SNED1: variants seen among roughly 807,000 people sequenced by gnomAD.
SNED1 encodes sushi, nidogen and EGF like domains 1, also known as sushi, nidogen and EGF-like domain-containing protein 1.
SNED1 carries 81 observed loss-of-function variants against 166.7 expected under a neutral mutation model. That is an observed-to-expected ratio of 0.49 (90% CI 0.41 to 0.58). SNED1 has a LOEUF of 0.58. Ranked by LOEUF, SNED1 falls within the 20% of genes least tolerant of loss-of-function variation. SNED1 has a pLI of 0.00. For synonymous variants in SNED1, 762 were observed against 822.0 expected, an observed-to-expected ratio of 0.93 and a Z score of 1.25; for missense variants, 1,604 against 2,000.2, an observed-to-expected ratio of 0.80 and a Z score of 3.78.
chr2:241,008,932 C>T (rs949819338), intron 1 of SNED1, among the ~76,000 whole-genome samples: 3 of 152,228 alleles, frequency 2.0e-5, no homozygotes, highest in African/African-American at 7.2e-5. Context: ...CCTCTTGGGC[C>T]CTCAAACCCA....
At chr2:241,000,401 G>T (rs981441975) in intron 1 of SNED1, among the ~76,000 whole-genome samples, 2 of 152,212 alleles carry the variant, frequency 1.3e-5, no homozygotes, top group African/African-American at 4.8e-5. Context: ...AGTCCCTCTG[G>T]ACCGGGACTT....
Position 241,051,679 on chromosome 2 carries a change from G to T in SNED1, c.1736-65G>T. The T allele has an allele frequency of 7.9e-7, 1 of 1,263,580 alleles. No homozygotes were observed. Among genetic ancestry groups the T allele is most frequent in the South Asian group, 1.6e-5 (1 of 64,094 alleles). The allele number at this position is 1,263,580 out of a possible 1,614,324, so 78.3% of individuals were successfully genotyped here. ...AGAGGACTGAGGAGATGCCAGGAGG[G>T]TATAGTGGCTCTGTGGGGCCAGCAG... On this transcript the variant is annotated intron_variant, in intron 12 of 31. Transcript: ENST00000310397. This position sits in a 1 kb window ranked among gnomAD's most constrained non-coding sequence, Gnocchi z 4.7.
chr2:241,088,410 C>A lies in SNED1; in HGVS notation c.*1+8C>A. On this transcript the variant is annotated splice_region_variant and intron_variant, in intron 31 of 31. Coordinates refer to ENST00000310397, the MANE Select transcript of SNED1 (RefSeq NM_001080437.3). ...CACTGGAGAAATCTTAAGGTACGTC[C>A]CTGCTGCTCCCGCCCCACTACCACA... is the stretch of plus-strand genomic sequence containing the variant. 1 of 1,608,462 alleles carries A rather than the reference C, an allele frequency of 6.2e-7. No individual in the cohort carries two copies. Among genetic ancestry groups the A allele is most frequent in the Non-Finnish European group, 8.5e-7 (1 of 1,174,996 alleles).
chr2:241,052,178 G>C, intron 14 of SNED1, 21 bp downstream of exon 14: 2 of 1,587,376 alleles, frequency 1.3e-6, no homozygotes, highest in Non-Finnish European at 1.7e-6. Flanking sequence ...TGGGAGGCCA[G>C]GCCAGGGCGG....
chr2:240,998,941 G>T lies in SNED1; in HGVS notation c.104G>T (p.Gly35Val). The change falls in exon 1 of 32, where the codon GGC becomes GTC. Residue 35 changes from glycine (G) to valine (V), a missense_variant. By Grantham distance (109) the Gly-to-Val change is moderately radical (BLOSUM62 -3). Around this residue, in one of 2 missense-constraint regions of SNED1, gnomAD observed 1,237 missense variants for 1,620.8 expected, o/e 0.76. Transcript: ENST00000310397. Reference sequence around the variant, plus strand: ...GCCCTTGCCGACTTCTACCCGTTCGGCGCCGAGCGCGGCGACGCCGTCACC... The same window carrying T: ...GCCCTTGCCGACTTCTACCCGTTCGTCGCCGAGCGCGGCGACGCCGTCACC... ...AVALADFYPF[G>V]AERGDAVTPK... 7.8e-7 allele frequency: 1 copy of T among 1,288,926 alleles called. No homozygotes were observed. The highest frequency in any genetic ancestry group is 9.8e-7 in the Non-Finnish European group (1 of 1,016,328). 79.8% of individuals were successfully genotyped at this position (1,288,926 alleles called of 1,614,324 possible). A position where few individuals can be genotyped will look rare whatever the true frequency, so the allele number is the denominator to read the frequency against.
intron 27 of SNED1, among the ~76,000 whole-genome samples, chr2:241,080,020 C>A (rs1387292350): frequency 6.6e-6 from 1 of 152,140 alleles, no homozygotes; most frequent in Admixed American, 6.5e-5. Context: ...CGCAGTGGCT[C>A]ACACCTGTAA....
intron 1 of SNED1, among the ~76,000 whole-genome samples, chr2:241,011,976 G>A (rs1002489083): frequency 6.6e-6 from 1 of 152,216 alleles, no homozygotes; most frequent in African/African-American, 2.4e-5. Context: ...TCTGGGGTGG[G>A]GAGAGAGGAA....
At chr2:241,039,359 A>G (rs1487019600) in intron 6 of SNED1, among the ~76,000 whole-genome samples, 1 of 152,142 alleles carries the variant, frequency 6.6e-6, no homozygotes, top group Non-Finnish European at 1.5e-5. Flanking sequence ...GACTCCAGGG[A>G]GGGACACACG....
At position 241,051,712 on chromosome 2, in the gene SNED1, C is replaced by A; in HGVS notation, c.1736-32C>A. 6 of 1,437,758 alleles carry A rather than the reference C, an allele frequency of 4.2e-6. No individual in the cohort carries two copies. Among genetic ancestry groups the A allele is most frequent in the Non-Finnish European group, 5.5e-6 (6 of 1,086,254 alleles). The allele number at this position is 1,437,758 out of a possible 1,614,324, so 89.1% of individuals were successfully genotyped here. ...GCTCTGTGGGGCCAGCAGCCTGGCC[C>A]CGTTCATCTGCCTCTCTGTCCTTCC... On this transcript the variant is annotated intron_variant, in intron 12 of 31. Transcript: ENST00000310397. This position sits in a 1 kb window ranked among gnomAD's most constrained non-coding sequence, Gnocchi z 4.7.
intron 1 of SNED1, among the ~76,000 whole-genome samples, chr2:241,021,929 A>G (rs7573476): frequency 0.14 from 21,682 of 151,586 alleles, 1,577 homozygotes; most frequent in East Asian, 0.17. Flanking sequence ...AACACGGGTT[A>G]TTATCTACTT....
rs1272984637 is a variant in SNED1, at chr2:241,040,919, G to A, written c.1273+506G>A. ...TGTTAGAGGAATTAAAAGGCCAACT[G>A]GAGATTGCAGCCTACAGTATAAAAA... On this transcript the variant is annotated intron_variant, in intron 8 of 31. Coordinates refer to ENST00000310397, the MANE Select transcript of SNED1 (RefSeq NM_001080437.3). 6.6e-6 allele frequency: 3 copies of A among 453,996 alleles called. 1 individual carries two copies. Among genetic ancestry groups the A allele is most frequent in the Non-Finnish European group, 1.4e-5 (3 of 221,114 alleles). The allele number at this position is 453,996 out of a possible 1,614,324, so 28.1% of individuals were successfully genotyped here.
At chr2:241,036,757 G>T in intron 4 of SNED1, 33 bp from the exon 5 acceptor site, 1 of 1,602,528 alleles carries the variant, frequency 6.2e-7, no homozygotes, top group South Asian at 1.1e-5. Context: ...CGGAGGCAGC[G>T]GCTGAGGCTC....
intron 24 of SNED1, chr2:241,071,297 G>C: frequency 1.8e-6 from 1 of 541,008 alleles, no homozygotes; most frequent in South Asian, 2.3e-5. Flanking sequence ...ACGGGCAGGG[G>C]CCTAGACTCA....
At chr2:241,050,508 C>G (rs559181111) in intron 12 of SNED1, among the ~76,000 whole-genome samples, 5 of 152,178 alleles carry the variant, frequency 3.3e-5, no homozygotes, top group Non-Finnish European at 7.4e-5. Flanking sequence ...TCTCCAGGGG[C>G]TCAGCCCCAG....
rs946333697 is a variant in SNED1, at chr2:241,068,647, G to A, written c.3195-264G>A. Among the ~76,000 whole-genome samples, 13 of 151,952 alleles carry A rather than the reference G, an allele frequency of 8.6e-5. No individual in the cohort carries two copies. The highest frequency in any genetic ancestry group is 3.1e-4 in the African/African-American group (13 of 41,348). ...CCCCCTTCTCTGGCCTCTCCCAGCT[G>A]AACACCGGCCCTCTGACCATACTGT... On this transcript the variant is annotated intron_variant, in intron 22 of 31. Coordinates refer to ENST00000310397, the MANE Select transcript of SNED1 (RefSeq NM_001080437.3). This position sits in a 1 kb window ranked among gnomAD's most constrained non-coding sequence, Gnocchi z 5.3.
At chr2:241,001,320 G>T (rs2060071306) in intron 1 of SNED1, among the ~76,000 whole-genome samples, 1 of 152,220 alleles carries the variant, frequency 6.6e-6, no homozygotes, top group South Asian at 2.1e-4. Flanking sequence ...TGCATGAGAT[G>T]GGTGCTTCTT....
rs750002595 is a variant in SNED1 at position 241,051,998 on chromosome 2, G to A, written c.1853-43G>A. 2 of 1,571,128 alleles carry A rather than the reference G, an allele frequency of 1.3e-6. No homozygotes were observed. Among genetic ancestry groups the A allele is most frequent in the African/African-American group, 1.4e-5 (1 of 74,044 alleles). ...AGCTCTGGGATGTTGGGGAACGTGG[G>A]AGGGGCAGTGGGCTGTGACCCTGAC... On this transcript the variant is annotated intron_variant, in intron 13 of 31. Transcript: ENST00000310397. The surrounding 1 kb of genome is among the most constrained non-coding windows in gnomAD (Gnocchi z 4.7).
chr2:241,087,776 C>A, intron 30 of SNED1: 1 of 1,063,284 alleles, frequency 9.4e-7, no homozygotes, highest in Non-Finnish European at 1.2e-6. Flanking sequence ...TTACGGACAG[C>A]CCCGAGTATT....
intron 16 of SNED1, among the ~76,000 whole-genome samples, chr2:241,058,437 A>G (rs980164307): frequency 2.0e-5 from 3 of 152,240 alleles, no homozygotes; most frequent in Non-Finnish European, 2.9e-5. Flanking sequence ...GAATAAAGGT[A>G]AAAGCCATAA....
Sources: allele counts gnomAD v4.1 joint callset (sites outside exome capture counted in the v4.1 genomes callset), GRCh38; gene constraint gnomAD v4.1.1; regional missense constraint gnomAD v4.1.1; non-coding constraint Gnocchi (gnomAD v3.1); transcripts MANE v1.5; gene names NCBI Gene and HGNC (gene_info 2026-07-23, HGNC 2026-07-21).